The following LDAH variants were observed in gnomAD, a reference collection of about 807,000 sequenced individuals.
The protein encoded by LDAH is lipid droplet associated hydrolase, also known as lipid droplet-associated hydrolase.
Under a neutral mutation model 29.6 loss-of-function variants are expected in LDAH, and 26 were observed. The ratio of observed to expected loss-of-function variants is 0.88; its 90% CI spans 0.64 to 1.22. The LOEUF (loss-of-function observed/expected upper bound fraction) is 1.22. Ranked by LOEUF, LDAH falls within the 50% of genes most tolerant of loss-of-function variation. LDAH has a pLI of 0.00. For synonymous variants in LDAH, 117 were observed against 133.0 expected (o/e 0.88, Z 0.83); for missense variants, 344 against 387.3 (o/e 0.89, Z 0.94).
rs529831535 is a variant in LDAH, at chr2:20,762,609, TTAAG to T, written c.468+12197_468+12200del. ...CCATACTCAATATAAACAGACATCATTAAGTATACTACTATATACTAATTCATTA... is the reference window on the plus strand; with the variant it reads ...CCATACTCAATATAAACAGACATCATTATACTACTATATACTAATTCATTA... On this transcript the variant is annotated intron_variant, in intron 4 of 6. Coordinates refer to ENST00000237822, the MANE Select transcript of LDAH (RefSeq NM_021925.4). Among the ~76,000 whole-genome samples, 1,096 of 152,352 alleles carry T rather than the reference TTAAG, an allele frequency of 7.2e-3. 10 individuals are homozygous for T. The highest frequency in any genetic ancestry group is 0.025 in the African/African-American group (1,046 of 41,588).
At position 20,701,601 on chromosome 2, in the gene LDAH, T is replaced by C. The variant is rs762461888; in HGVS notation, c.755A>G (p.Asp252Gly). 7.4e-6 allele frequency: 12 copies of C among 1,613,998 alleles called. No homozygotes were observed. Among genetic ancestry groups the C allele is most frequent in the Non-Finnish European group, 1.0e-5 (12 of 1,180,020 alleles). The change falls in exon 6 of 7, where the codon GAT (aspartate) becomes GGT (glycine). Residue 252 changes from aspartate to glycine, a missense_variant. Coordinates refer to ENST00000237822, the MANE Select transcript of LDAH (RefSeq NM_021925.4). ...TAAATGCTCCTTTATGGTTTCGTCA[T>C]CTCTCTTCACCACCTCCATCATTTC... ...GQEMMEVVKR[D>G]DETIKEHLCK...
chr2:20,784,623 G>A (rs1188130061), intron 3 of LDAH, among the ~76,000 whole-genome samples: 2 of 151,942 alleles, frequency 1.3e-5, no homozygotes, highest in African/African-American at 4.8e-5. Flanking sequence ...AGTGGCTCAT[G>A]CCTGTAATCC....
chr2:20,730,303 G>C (rs13420637), intron 5 of LDAH, among the ~76,000 whole-genome samples: 1 of 152,118 alleles, frequency 6.6e-6, no homozygotes, highest in Non-Finnish European at 1.5e-5. Context: ...CTGAACACCA[G>C]TTTTCACATA....
Position 20,790,254 on chromosome 2 carries a change from C to T in LDAH, c.298+1G>A. 1 of 1,613,954 alleles carries T rather than the reference C, an allele frequency of 6.2e-7. No homozygotes were observed. The highest frequency in any genetic ancestry group is 8.5e-7 in the Non-Finnish European group (1 of 1,179,958). ...GAAAGTAGATATTAACAAGGACATA[C>T]CCTCTGATGTTGTAAGAATCTTCTT... On this transcript the variant is annotated splice_donor_variant, in intron 3 of 6. Coordinates refer to ENST00000237822, the MANE Select transcript of LDAH (RefSeq NM_021925.4). LOFTEE classifies it high-confidence loss of function.
chr2:20,692,725 G>A (rs945451659), intron 6 of LDAH, among the ~76,000 whole-genome samples: 2 of 152,190 alleles, frequency 1.3e-5, no homozygotes, highest in Non-Finnish European at 2.9e-5. Flanking sequence ...AACTTGAAAT[G>A]TTTCCAACGA....
In LDAH at chr2:20,747,973, A is replaced by T. The variant is rs144475278; in HGVS notation, c.469-7768T>A. On this transcript the variant is annotated intron_variant, in intron 4 of 6. Coordinates refer to ENST00000237822, the MANE Select transcript of LDAH (RefSeq NM_021925.4). The stretch of plus-strand genomic sequence containing the variant: ...TTATATATACTATATATTTACGTAC[A>T]AAATAAGTTATTTGTAATTGTTATT... Among the ~76,000 whole-genome samples the T allele has an allele frequency of 1.7e-3, 256 of 152,300 alleles. 5 individuals carry two copies. In the East Asian group the frequency reaches 0.044, roughly 26 times the overall value.
rs567818679 is a variant in LDAH at position 20,750,213 on chromosome 2, A to G, written c.469-10008T>C. ...GCTGATTTTTGTACTTTTAGTAGAG[A>G]CGGGGTTTCACCACATAGGCTAGGC... On this transcript the variant is annotated intron_variant, in intron 4 of 6. Coordinates refer to ENST00000237822, the MANE Select transcript of LDAH (RefSeq NM_021925.4). 2.0e-5 allele frequency among the ~76,000 whole-genome samples: 3 copies of G among 152,082 alleles called. No homozygotes were observed. In the South Asian group the frequency reaches 6.2e-4, roughly 32 times the overall value.
intron 4 of LDAH, among the ~76,000 whole-genome samples, chr2:20,771,515 T>C (rs1277204120): frequency 6.6e-6 from 1 of 152,264 alleles, no homozygotes; most frequent in African/African-American, 2.4e-5. Context: ...ATGGAGCATG[T>C]CATGCTAACT....
intron 5 of LDAH, among the ~76,000 whole-genome samples, chr2:20,725,350 G>C (rs4971543): frequency 0.24 from 36,083 of 152,064 alleles, 4,851 homozygotes; most frequent in East Asian, 0.36. Context: ...ACTGTGGATG[G>C]GTACTTATTT....
intron 5 of LDAH, among the ~76,000 whole-genome samples, chr2:20,736,714 T>A (rs556960515): frequency 7.9e-5 from 12 of 152,254 alleles, no homozygotes; most frequent in African/African-American, 2.9e-4. Context: ...TGATTCTAAA[T>A]CACCATGGAC....
At chr2:20,706,170 T>C (rs1285222367) in intron 5 of LDAH, among the ~76,000 whole-genome samples, 2 of 152,166 alleles carry the variant, frequency 1.3e-5, no homozygotes, top group East Asian at 3.8e-4. Flanking sequence ...GGATTAGATA[T>C]TAGGAGAAGG....
intron 1 of LDAH, among the ~76,000 whole-genome samples, chr2:20,822,789 T>C (rs937516203): frequency 3.9e-5 from 6 of 152,166 alleles, no homozygotes; most frequent in Non-Finnish European, 7.4e-5. Flanking sequence ...ACTTAGGGGT[T>C]CAAATGCTGC....
At position 20,710,606 on chromosome 2, in the gene LDAH, G is replaced by GTGTGTATATATATATATATATATA. The variant is rs1467950593; in HGVS notation, c.704-8955_704-8954insTATATATATATATATATATACACA. ...TAGGGGTGTGTGTGTGTGTGTGTGTGTATATATATATATAGATATATATAT... is the reference window on the plus strand; with the variant it reads ...TAGGGGTGTGTGTGTGTGTGTGTGTGTGTGTATATATATATATATATATATATATATATATATAGATATATATAT... On this transcript the variant is annotated intron_variant, in intron 5 of 6. Transcript: ENST00000237822. 8.5e-4 allele frequency among the ~76,000 whole-genome samples: 112 copies of GTGTGTATATATATATATATATATA among 131,844 alleles called. 1 individual carries two copies. The highest frequency in any genetic ancestry group is 2.6e-3 in the Admixed American group (33 of 12,548). The allele number at this position is 131,844 out of a possible 152,430, so 86.5% of individuals were successfully genotyped here. A position where few individuals can be genotyped will look rare whatever the true frequency, so the allele number is the denominator to read the frequency against.
At chr2:20,765,188 T>C (rs548051821) in intron 4 of LDAH, among the ~76,000 whole-genome samples, 58 of 152,362 alleles carry the variant, frequency 3.8e-4, no homozygotes, top group African/African-American at 1.4e-3. Flanking sequence ...CAAAAGTTCC[T>C]ATTTGTCTTT....
intron 4 of LDAH, among the ~76,000 whole-genome samples, chr2:20,743,921 A>G (rs762416624): frequency 3.9e-4 from 58 of 149,212 alleles, no homozygotes; most frequent in Non-Finnish European, 7.4e-4. Context: ...TTGCTTTCCA[A>G]TTTTGGAGGT....
At chr2:20,789,257 A>G in intron 3 of LDAH, 1 of 1,550,558 alleles carries the variant, frequency 6.4e-7, no homozygotes, top group Non-Finnish European at 8.7e-7. Context: ...TTAGGATCAG[A>G]TGGGGTCATG....
chr2:20,762,873 G>A (rs1177182326), intron 4 of LDAH, among the ~76,000 whole-genome samples: 9 of 152,138 alleles, frequency 5.9e-5, no homozygotes, highest in Admixed American at 4.6e-4. Context: ...ACAATGCCAC[G>A]TAAACAACTA....
intron 4 of LDAH, among the ~76,000 whole-genome samples, chr2:20,743,646 CTTTG>C: frequency 6.6e-6 from 1 of 152,138 alleles, no homozygotes; most frequent in Non-Finnish European, 1.5e-5. Flanking sequence ...ACATTTTAGT[CTTTG>C]TTTATTCCCT....
intron 5 of LDAH, among the ~76,000 whole-genome samples, chr2:20,738,738 T>C (rs1221742117): frequency 7.3e-6 from 1 of 137,132 alleles, no homozygotes; most frequent in African/African-American, 2.5e-5. Context: ...GAATGGAAAT[T>C]GGAGGGAAAA....
Sources: allele counts gnomAD v4.1 joint callset (sites outside exome capture counted in the v4.1 genomes callset), GRCh38; gene constraint gnomAD v4.1.1; transcripts MANE v1.5; gene names NCBI Gene and HGNC (gene_info 2026-07-23, HGNC 2026-07-21).